TTF2: variants seen among roughly 807,000 people sequenced by gnomAD.
The protein encoded by TTF2 is RNA polymerase II termination factor.
A neutral mutation model predicts 142.4 loss-of-function variants in TTF2; 108 were observed. The ratio of observed to expected loss-of-function variants is 0.76; its 90% CI spans 0.65 to 0.89. The LOEUF is 0.89. TTF2 is among the 40% of genes least tolerant of loss of function. TTF2 has a pLI of 0.00. For synonymous variants in TTF2, 483 were observed against 506.2 expected, an observed-to-expected ratio of 0.95 and a Z score of 0.61; for missense variants, 1,327 against 1,379.8, an observed-to-expected ratio of 0.96 and a Z score of 0.61.
chr1:117,088,782 T>G lies in TTF2; in HGVS notation c.2161-19T>G. Reference sequence around the variant, plus strand: ...CATTTTCCCATATTGTGGCTGGATTTCACTTGTGATTCTTCCAGGGCACCT... The same window carrying G: ...CATTTTCCCATATTGTGGCTGGATTGCACTTGTGATTCTTCCAGGGCACCT... On this transcript the variant is annotated intron_variant, in intron 12 of 22. Coordinates refer to ENST00000369466, the MANE Select transcript of TTF2 (RefSeq NM_003594.4). The G allele has an allele frequency of 6.2e-7, 1 of 1,610,470 alleles. No individual in the cohort carries two copies. Among genetic ancestry groups the G allele is most frequent in the Admixed American group, 1.7e-5 (1 of 59,490 alleles).
intron 10 of TTF2, among the ~76,000 whole-genome samples, chr1:117,083,487 T>A (rs1049682074): frequency 1.3e-5 from 2 of 152,200 alleles, no homozygotes; most frequent in Non-Finnish European, 1.5e-5. Flanking sequence ...CATTAAGTTA[T>A]GCTTTTCAGA....
Position 117,078,909 on chromosome 1 carries a change from A to G in TTF2, c.1702-659A>G, listed in dbSNP as rs531881298. ...ATAATGAGGAAATAATGAAAAGCCA[A>G]TGTAATGGCTGCTGAAAATAGGGTC... is the stretch of plus-strand genomic sequence containing the variant. On this transcript the variant is annotated intron_variant, in intron 8 of 22. Transcript: ENST00000369466. Among the ~76,000 whole-genome samples the G allele has an allele frequency of 9.2e-5, 14 of 152,314 alleles. No individual in the cohort carries two copies. The South Asian group carries it at 1.9e-3, about 20-fold the overall frequency.
At position 117,080,937 on chromosome 1, in the gene TTF2, G is replaced by A. The variant is rs1218270940; in HGVS notation, c.1784-891G>A. 6.6e-6 allele frequency among the ~76,000 whole-genome samples: 1 copy of A among 152,146 alleles called. No homozygotes were observed. ...ATTTAATGCCCAAGGTTTTTATTGG[G>A]GGCTGGTTACTTCAGCTGGTTACAC... is the stretch of plus-strand genomic sequence containing the variant. On this transcript the variant is annotated intron_variant, in intron 9 of 22. Transcript: ENST00000369466. This position sits in a 1 kb window ranked among gnomAD's most constrained non-coding sequence, Gnocchi z 4.3.
In TTF2 at chr1:117,092,816, G is replaced by A. The variant is rs546872594; in HGVS notation, c.2891G>A (p.Arg964His). ...AGTGCTTTGACCTTGTCAGAACTCC[G>A]TGACTCAGAGCCATCTTCCACTGTT... Reference protein sequence around the residue: ...QLSALTLSELRDSEPSSTVSL... With the variant: ...QLSALTLSELHDSEPSSTVSL... The change falls in exon 18 of 23, where the codon CGT (arginine) becomes CAT (histidine). Residue 964 changes from arginine to histidine, a missense_variant. Arg to His is a conservative substitution (Grantham distance 29). Transcript: ENST00000369466. The surrounding 1 kb of genome is among the most constrained non-coding windows in gnomAD (Gnocchi z 4.4). 2.2e-5 allele frequency: 36 copies of A among 1,614,120 alleles called. No homozygotes were observed. The highest frequency in any genetic ancestry group is 4.0e-5 in the African/African-American group (3 of 75,030).
At position 117,092,678 on chromosome 1, in the gene TTF2, C is replaced by T. The variant is rs1648693455; in HGVS notation, c.2806-53C>T. The T allele has an allele frequency of 1.3e-6, 2 of 1,563,350 alleles. No homozygotes were observed. The highest frequency in any genetic ancestry group is 1.7e-6 in the Non-Finnish European group (2 of 1,154,326). On this transcript the variant is annotated intron_variant, in intron 17 of 22. Coordinates refer to ENST00000369466, the MANE Select transcript of TTF2 (RefSeq NM_003594.4). This position sits in a 1 kb window ranked among gnomAD's most constrained non-coding sequence, Gnocchi z 4.4. ...CAATCAAAACATCATCAACAAGTAACAAGGTTTGCTCCCTTGACTCCCAGC... is the reference window on the plus strand; with the variant it reads ...CAATCAAAACATCATCAACAAGTAATAAGGTTTGCTCCCTTGACTCCCAGC...
At position 117,083,938 on chromosome 1, in the gene TTF2, G is replaced by T. The variant is rs573846091; in HGVS notation, c.1904-80G>T. On this transcript the variant is annotated intron_variant, in intron 10 of 22. Transcript: ENST00000369466. ...ACAGCCTGGGTAACACAGCAAGACC[G>T]TGTCTCCATATATTAAAAAAGAAAA... The T allele has an allele frequency of 2.0e-6, 3 of 1,530,170 alleles. No individual in the cohort carries two copies. The African/African-American group carries it at 4.1e-5, about 21-fold the overall frequency. 94.8% of individuals were successfully genotyped at this position (1,530,170 alleles called of 1,614,324 possible).
In TTF2 at chr1:117,090,400, C is replaced by G. The variant is rs1460472570; in HGVS notation, c.2497-132C>G. Reference sequence around the variant, plus strand: ...CAGTTGTACTGTATGTTGGAGCAGTCCTGTGTCTAAGAAAGGGTGGAAGCT... The same window carrying G: ...CAGTTGTACTGTATGTTGGAGCAGTGCTGTGTCTAAGAAAGGGTGGAAGCT... On this transcript the variant is annotated intron_variant, in intron 14 of 22. Coordinates refer to ENST00000369466, the MANE Select transcript of TTF2 (RefSeq NM_003594.4). This position sits in a 1 kb window ranked among gnomAD's most constrained non-coding sequence, Gnocchi z 4.8. The G allele has an allele frequency of 8.8e-7, 1 of 1,135,136 alleles. No individual in the cohort carries two copies. Among genetic ancestry groups the G allele is most frequent in the African/African-American group, 1.6e-5 (1 of 63,884 alleles). 70.3% of individuals were successfully genotyped at this position (1,135,136 alleles called of 1,614,324 possible).
intron 10 of TTF2, 158 bp downstream of exon 10, chr1:117,082,105 C>T: frequency 9.2e-7 from 1 of 1,088,818 alleles, no homozygotes; most frequent in Non-Finnish European, 1.4e-6. Context: ...ATTTCTGATG[C>T]TGAGTATGCT....
At chr1:117,098,123 C>T (rs1442904065) in intron 21 of TTF2, 5 of 151,386 alleles carry the variant, frequency 3.3e-5, no homozygotes, top group East Asian at 1.9e-4. Flanking sequence ...TCCAGGAGAA[C>T]GGGTTTAGTT....
intron 4 of TTF2, among the ~76,000 whole-genome samples, chr1:117,074,601 A>G (rs1334320979): frequency 1.3e-5 from 2 of 151,970 alleles, no homozygotes; most frequent in East Asian, 1.9e-4. Flanking sequence ...ACCAAATATC[A>G]TATGTTCTCA....
At chr1:117,062,863 T>C (rs1655799568) in intron 3 of TTF2, among the ~76,000 whole-genome samples, 2 of 152,162 alleles carry the variant, frequency 1.3e-5, no homozygotes, top group African/African-American at 4.8e-5. Context: ...TTCCTTTATA[T>C]GGGAATTTGG....
intron 3 of TTF2, among the ~76,000 whole-genome samples, chr1:117,068,224 CG>C (rs1208292226): frequency 6.6e-6 from 1 of 152,202 alleles, no homozygotes; most frequent in Non-Finnish European, 1.5e-5. Flanking sequence ...TTTGCTTAGA[CG>C]TGGGTATAAC....
At chr1:117,098,733 T>C in intron 21 of TTF2, 100 bp from the exon 22 acceptor site, 1 of 1,005,562 alleles carries the variant, frequency 9.9e-7, no homozygotes, top group Non-Finnish European at 1.5e-6. Flanking sequence ...AATTTTTAGC[T>C]ACAAAAACAA....
chr1:117,078,999 G>C (rs1238129984), intron 8 of TTF2, among the ~76,000 whole-genome samples: 1 of 152,152 alleles, frequency 6.6e-6, no homozygotes, highest in Non-Finnish European at 1.5e-5. Flanking sequence ...CAGCACTTTC[G>C]GAGGCCGAGG....
chr1:117,094,563 G>C (rs539000162), intron 18 of TTF2: 2 of 469,234 alleles, frequency 4.3e-6, no homozygotes, highest in Non-Finnish European at 4.4e-6. Context: ...TGGTTCCTCC[G>C]TCTGGACAGG....
At chr1:117,068,798 T>C (rs1273561110) in intron 3 of TTF2, among the ~76,000 whole-genome samples, 1 of 152,200 alleles carries the variant, frequency 6.6e-6, no homozygotes, top group Non-Finnish European at 1.5e-5. Context: ...GAAGGACCAC[T>C]GAATAAAGCC....
rs752109584 is a variant in TTF2, at chr1:117,073,655, C to G, written c.219-6C>G. ...CCTTGATTATTTGTGTTTTATACTT[C>G]ATTAGATTGTTCTTCCGATGCATTA... On this transcript the variant is annotated splice_region_variant and splice_polypyrimidine_tract_variant and intron_variant, in intron 3 of 22. Transcript: ENST00000369466. The surrounding 1 kb of genome is among the most constrained non-coding windows in gnomAD (Gnocchi z 4.4). The G allele has an allele frequency of 6.2e-7, 1 of 1,606,576 alleles. No homozygotes were observed. The highest frequency in any genetic ancestry group is 2.2e-5 in the East Asian group (1 of 44,734).
chr1:117,080,324 A>G lies in TTF2; in HGVS notation c.1783+675A>G, dbSNP rs559741993. 2.6e-5 allele frequency among the ~76,000 whole-genome samples: 4 copies of G among 152,216 alleles called. No individual in the cohort carries two copies. The South Asian group carries it at 8.3e-4, about 32-fold the overall frequency. Reference sequence around the variant, plus strand: ...ACTACACCTGGCCTAAAAGTAGTCTATAAAAAGCATCACAGCTACTTTGCT... The same window carrying G: ...ACTACACCTGGCCTAAAAGTAGTCTGTAAAAAGCATCACAGCTACTTTGCT... On this transcript the variant is annotated intron_variant, in intron 9 of 22. Transcript: ENST00000369466. The surrounding 1 kb of genome is among the most constrained non-coding windows in gnomAD (Gnocchi z 4.3).
At chr1:117,065,988 C>CTTTTTTTTTT (rs544726052) in intron 3 of TTF2, among the ~76,000 whole-genome samples, 4 of 97,956 alleles carry the variant, frequency 4.1e-5, no homozygotes, top group African/African-American at 1.4e-4. Context: ...CACTATATAC[C>CTTTTTTTTTT]TTTTTTTTTT....
Sources: gnomAD v4.1 joint callset for allele counts (sites outside exome capture counted in the v4.1 genomes callset) on GRCh38, gnomAD v4.1.1 for gene constraint, Gnocchi (gnomAD v3.1) non-coding constraint, MANE v1.5 for transcripts, NCBI Gene and HGNC (gene_info 2026-07-23, HGNC 2026-07-21) for gene names.